Variants in CFAP54 observed in about 807,000 individuals in gnomAD.
CFAP54 encodes cilia- and flagella-associated protein 54.
A neutral mutation model predicts 370.4 loss-of-function variants in CFAP54; 290 were observed. That is an observed-to-expected ratio of 0.78 (90% CI 0.71 to 0.86). The LOEUF is 0.86. Ranked by LOEUF, CFAP54 falls within the 40% of genes least tolerant of loss-of-function variation. The probability of loss-of-function intolerance (pLI) is 0.00; values close to 1 mark genes in which losing one functional copy is unlikely to be tolerated. For missense variants in CFAP54, 3,399 were observed against 3,528.7 expected (o/e 0.96, Z 0.93); for synonymous variants, 1,206 against 1,236.5 (o/e 0.98, Z 0.52).
At chr12:96,740,798 C>T (rs1054141834) in intron 51 of CFAP54, among the ~76,000 whole-genome samples, 2 of 152,124 alleles carry the variant, frequency 1.3e-5, no homozygotes, top group Admixed American at 6.5e-5. Context: ...GATTTTGCCT[C>T]CCGGGGGAAA....
Position 96,625,736 on chromosome 12 carries a change from C to G in CFAP54, c.3905C>G (p.Ser1302Ter), listed in dbSNP as rs1956543153. 2.6e-6 allele frequency: 4 copies of G among 1,535,172 alleles called. No individual in the cohort carries two copies. Among genetic ancestry groups the G allele is most frequent in the Non-Finnish European group, 3.5e-6 (4 of 1,146,400 alleles). The change falls in exon 29 of 68, where the codon TCA becomes TGA. Residue 1302 changes from serine (S) to a stop codon, truncating the protein, a stop_gained. Transcript: ENST00000524981. LOFTEE classifies it high-confidence loss of function. ...ACCTTAGATGTTACATCTGAACTCT[C>G]AGGAGGAGAGGACCCTATATTTCTT... ...LTKQYVTSEL[S>*]GGEDPIFLYP...
intron 64 of CFAP54, among the ~76,000 whole-genome samples, chr12:96,812,802 G>C (rs774809754): frequency 6.6e-6 from 1 of 152,108 alleles, no homozygotes; most frequent in African/African-American, 2.4e-5. Context: ...AGAGACAAAG[G>C]CTGTTTCAAG....
Position 96,658,014 on chromosome 12 carries a change from G to T in CFAP54, c.5233G>T (p.Asp1745Tyr). Residue 1745 changes from aspartate to tyrosine, a missense_variant, in exon 37 of 68, where the codon GAC becomes TAC. Physicochemically the swap from Asp to Tyr is radical, Grantham distance 160. Transcript: ENST00000524981. ...VNVVDLKWIHDFVLKSLEVLY... is the reference protein window; with the variant it reads ...VNVVDLKWIHYFVLKSLEVLY... ...TGTGGTTGATTTGAAATGGATCCAC[G>T]ACTTTGTATTAAAATCTCTGGAAGT... The T allele has an allele frequency of 6.2e-7, 1 of 1,613,726 alleles. No individual in the cohort carries two copies. The highest frequency in any genetic ancestry group is 1.1e-5 in the South Asian group (1 of 91,034).
chr12:96,655,311 G>GAAAA (rs573368334), intron 36 of CFAP54, among the ~76,000 whole-genome samples: 2 of 137,172 alleles, frequency 1.5e-5, no homozygotes, highest in African/African-American at 5.4e-5. Context: ...GGCTTCTTTG[G>GAAAA]AAAAAAAAAA....
chr12:96,521,949 T>C lies in CFAP54; in HGVS notation c.1035T>C (p.Tyr345=). ...SSKSQEESRR[Y]FREATMKMAV... ...AATCCCAGGAAGAATCGCGAAGATA[T>C]TTTCGAGAGGCCACAATGAAGGTAT... The change falls in exon 7 of 68, where the codon TAT becomes TAC. Residue 345 remains tyrosine, a synonymous_variant. Coordinates refer to ENST00000524981, the MANE Select transcript of CFAP54 (RefSeq NM_001306084.2). The C allele has an allele frequency of 6.5e-7, 1 of 1,534,322 alleles. No homozygotes were observed. The highest frequency in any genetic ancestry group is 8.7e-7 in the Non-Finnish European group (1 of 1,145,426).
At chr12:96,829,943 A>G (rs1279285301) in intron 66 of CFAP54, among the ~76,000 whole-genome samples, 1 of 152,016 alleles carries the variant, frequency 6.6e-6, no homozygotes, top group Non-Finnish European at 1.5e-5. Context: ...GAATTTGTCT[A>G]TTCTAGGTAT....
At chr12:96,864,548 T>A (rs370518865) in intron 67 of CFAP54, among the ~76,000 whole-genome samples, 5 of 152,044 alleles carry the variant, frequency 3.3e-5, no homozygotes, top group Non-Finnish European at 4.4e-5. Flanking sequence ...AAATGTACTC[T>A]CCAGAAACTT....
Position 96,598,658 on chromosome 12 carries a change from G to T in CFAP54, c.3530G>T (p.Cys1177Phe). The change falls in exon 26 of 68, where the codon TGT (cysteine) becomes TTT (phenylalanine). Residue 1177 changes from cysteine (C) to phenylalanine (F), a missense_variant. Around this residue, in one of 3 missense-constraint regions of CFAP54, gnomAD observed 2,796 missense variants for 2,869.7 expected, o/e 0.97. Coordinates refer to ENST00000524981, the MANE Select transcript of CFAP54 (RefSeq NM_001306084.2). ...TCTAATTTTTAGATCCTGATAAAGT[G>T]TATAGTGGTTTTGCAAGGACTACCA... ...LVPVVQILIK[C>F]IVVLQGLPSI... is the part of the protein sequence containing the mutation. The T allele has an allele frequency of 3.0e-6, 2 of 661,812 alleles. No homozygotes were observed. Among genetic ancestry groups the T allele is most frequent in the Non-Finnish European group, 5.5e-6 (2 of 363,332 alleles). 41.0% of individuals were successfully genotyped at this position (661,812 alleles called of 1,614,324 possible).
At chr12:96,633,249 G>A (rs1956627937) in intron 32 of CFAP54, among the ~76,000 whole-genome samples, 1 of 152,196 alleles carries the variant, frequency 6.6e-6, no homozygotes. Flanking sequence ...GTTTGTGATT[G>A]TGGACATCCT....
At position 96,593,488 on chromosome 12, in the gene CFAP54, G is replaced by A. The variant is rs576394294; in HGVS notation, c.3361-803G>A. ...CCAGACAAGTTCACTGTCCTGTAGA[G>A]CCCAAGTACTCACAACCATCTCAAC... On this transcript the variant is annotated intron_variant, in intron 24 of 67. Transcript: ENST00000524981. 3.9e-5 allele frequency among the ~76,000 whole-genome samples: 6 copies of A among 152,172 alleles called. No individual in the cohort carries two copies. In the South Asian group the frequency reaches 1.2e-3, roughly 32 times the overall value.
At chr12:96,493,765 T>TCCAGC (rs1954914514) in intron 1 of CFAP54, among the ~76,000 whole-genome samples, 1 of 151,810 alleles carries the variant, frequency 6.6e-6, no homozygotes, top group African/African-American at 2.4e-5. Flanking sequence ...GCCAGTGCAC[T>TCCAGC]CCAGCCCAGG....
chr12:96,761,184 C>T (rs967340136), intron 58 of CFAP54, among the ~76,000 whole-genome samples: 3 of 152,104 alleles, frequency 2.0e-5, no homozygotes, highest in African/African-American at 7.2e-5. Context: ...TGGTATCTCA[C>T]TGTGGTTTTG....
chr12:96,625,518 T>A (rs974447705), intron 28 of CFAP54, among the ~76,000 whole-genome samples, 200 bp from the exon 29 acceptor site: 1 of 152,198 alleles, frequency 6.6e-6, no homozygotes, highest in African/African-American at 2.4e-5. Flanking sequence ...GGGGGAAAAG[T>A]GAAGCAAATA....
intron 63 of CFAP54, among the ~76,000 whole-genome samples, chr12:96,809,978 G>A (rs190825290): frequency 2.0e-5 from 3 of 152,158 alleles, no homozygotes; most frequent in African/African-American, 4.8e-5. Flanking sequence ...TGTACCTAAC[G>A]TCCCTTAGCA....
intron 39 of CFAP54, among the ~76,000 whole-genome samples, chr12:96,668,052 G>A (rs1957101301): frequency 6.6e-6 from 1 of 152,108 alleles, no homozygotes. Flanking sequence ...CCTCAGCCTG[G>A]ACTTTGTTGT....
At chr12:96,816,365 G>A (rs937744703) in intron 64 of CFAP54, among the ~76,000 whole-genome samples, 1 of 152,088 alleles carries the variant, frequency 6.6e-6, no homozygotes, top group African/African-American at 2.4e-5. Context: ...CTCTCTGTTT[G>A]TCTATTATTG....
intron 66 of CFAP54, among the ~76,000 whole-genome samples, chr12:96,832,271 TAA>T (rs34082481): frequency 1.6e-5 from 2 of 122,814 alleles, no homozygotes; most frequent in Middle Eastern, 4.3e-3. Context: ...TTTTCTTTTG[TAA>T]AAAAAAAAAA....
chr12:96,804,303 A>T (rs999759098), intron 63 of CFAP54, among the ~76,000 whole-genome samples: 1 of 152,336 alleles, frequency 6.6e-6, no homozygotes, highest in South Asian at 2.1e-4. Flanking sequence ...ATCAGGCAAG[A>T]GAAAACTATT....
At chr12:96,696,623 AT>A (rs1246027058) in intron 45 of CFAP54, among the ~76,000 whole-genome samples, 1 of 152,122 alleles carries the variant, frequency 6.6e-6, no homozygotes, top group African/African-American at 2.4e-5. Flanking sequence ...GAATCTTATT[AT>A]TTTCTATAAT....
Sources: gnomAD v4.1 joint callset for allele counts (sites outside exome capture counted in the v4.1 genomes callset) on GRCh38, gnomAD v4.1.1 for gene constraint, gnomAD v4.1.1 regional missense constraint, MANE v1.5 for transcripts, NCBI Gene and HGNC (gene_info 2026-07-23, HGNC 2026-07-21) for gene names.